The following TANC1 variants were observed in gnomAD, a reference collection of about 807,000 sequenced individuals.
TANC1 encodes the protein tetratricopeptide repeat, ankyrin repeat and coiled-coil containing 1, also known as protein TANC1.
TANC1 carries 77 observed loss-of-function variants against 149.7 expected under a neutral mutation model. The observed-to-expected ratio is 0.51, with a 90% confidence interval of 0.43 to 0.62. The LOEUF is 0.62. Ranked by LOEUF, TANC1 falls within the 20% of genes least tolerant of loss-of-function variation. The pLI, the probability that TANC1 is intolerant of heterozygous loss-of-function variation, is 0.00. For missense variants in TANC1, 1,985 were observed against 2,321.8 expected (o/e 0.85, Z 2.98); for synonymous variants, 854 against 925.0 (o/e 0.92, Z 1.39).
Position 158,975,732 on chromosome 2 carries a change from C to A in TANC1, c.-126+6950C>A, listed in dbSNP as rs1191601073. Among the ~76,000 whole-genome samples, 4 of 151,846 alleles carry A rather than the reference C, an allele frequency of 2.6e-5. No individual in the cohort carries two copies. The East Asian group carries it at 7.7e-4, about 29-fold the overall frequency. ...TTACAGAGTGAACCACCATCCCCAG[C>A]CCACAATGACTTATTTTAGCTGCTG... On this transcript the variant is annotated intron_variant, in intron 1 of 26. Coordinates refer to ENST00000263635, the MANE Select transcript of TANC1 (RefSeq NM_033394.3).
At chr2:159,135,961 T>G (rs1412810101) in intron 4 of TANC1, among the ~76,000 whole-genome samples, 4 of 151,914 alleles carry the variant, frequency 2.6e-5, no homozygotes, top group African/African-American at 7.3e-5. Flanking sequence ...TTTTCTTCTT[T>G]GGCAGGCCAG....
At chr2:159,021,711 T>G (rs1418362101) in intron 2 of TANC1, among the ~76,000 whole-genome samples, 2 of 152,252 alleles carry the variant, frequency 1.3e-5, no homozygotes, top group Non-Finnish European at 2.9e-5. Context: ...AATTTAAATT[T>G]AACAGAATAC....
chr2:159,097,955 C>A, intron 4 of TANC1, 121 bp downstream of exon 4: 7 of 782,624 alleles, frequency 8.9e-6, no homozygotes, highest in Non-Finnish European at 1.2e-5. Context: ...GCAGTATCTT[C>A]TAGAAGAAAT....
At chr2:159,052,076 C>T (rs2041517925) in intron 2 of TANC1, among the ~76,000 whole-genome samples, 1 of 152,276 alleles carries the variant, frequency 6.6e-6, no homozygotes, top group African/African-American at 2.4e-5. Flanking sequence ...GTACCACATT[C>T]ATTAGGAAGC....
chr2:159,089,045 C>G (rs760737300), intron 3 of TANC1, among the ~76,000 whole-genome samples: 6 of 152,176 alleles, frequency 3.9e-5, no homozygotes, highest in Non-Finnish European at 5.9e-5. Flanking sequence ...TTTTACTGAT[C>G]TGGAGCTGTT....
At chr2:159,019,969 G>A (rs377728023) in intron 2 of TANC1, among the ~76,000 whole-genome samples, 1 of 151,992 alleles carries the variant, frequency 6.6e-6, no homozygotes, top group Non-Finnish European at 1.5e-5. Flanking sequence ...CTTTCCAAGC[G>A]CTGCCAAGAG....
Position 159,231,144 on chromosome 2 carries a change from ATATATC to A in TANC1, c.*135_*140del. 1 of 660,672 alleles carries A rather than the reference ATATATC, an allele frequency of 1.5e-6. No homozygotes were observed. Among genetic ancestry groups the A allele is most frequent in the East Asian group, 2.8e-5 (1 of 36,326 alleles). The allele number at this position is 660,672 out of a possible 1,614,324, so 40.9% of individuals were successfully genotyped here. On this transcript the variant is annotated 3_prime_UTR_variant, in exon 27 of 27. Coordinates refer to ENST00000263635, the MANE Select transcript of TANC1 (RefSeq NM_033394.3). The stretch of plus-strand genomic sequence containing the variant: ...CTTTGGGGTGGATCTGATGCCATTG[ATATATC>A]TAAAATGTGGGATAAAACTTCTTTA...
intron 1 of TANC1, among the ~76,000 whole-genome samples, chr2:158,988,325 CAAAAA>C (rs1285907133): frequency 3.4e-5 from 3 of 87,402 alleles, no homozygotes; most frequent in Non-Finnish European, 2.4e-5. Context: ...GACCCTGTCC[CAAAAA>C]AAAAAAAAAA....
chr2:159,162,841 AT>A (rs1575038974), intron 7 of TANC1, among the ~76,000 whole-genome samples: 2 of 152,300 alleles, frequency 1.3e-5, no homozygotes, highest in South Asian at 2.1e-4. Context: ...CCGTTTCTGC[AT>A]TAACCATTCT....
intron 1 of TANC1, among the ~76,000 whole-genome samples, chr2:158,983,742 G>T (rs1404831853): frequency 6.6e-6 from 1 of 152,060 alleles, no homozygotes; most frequent in Non-Finnish European, 1.5e-5. Context: ...AAATATTACC[G>T]ACAGGAGAGC....
intron 2 of TANC1, among the ~76,000 whole-genome samples, chr2:159,009,257 C>A (rs563465544): frequency 6.6e-6 from 1 of 152,192 alleles, no homozygotes; most frequent in Non-Finnish European, 1.5e-5. Context: ...AACCCCACTA[C>A]TGAGTATATA....
intron 1 of TANC1, among the ~76,000 whole-genome samples, chr2:158,993,371 C>T (rs550459521): frequency 6.6e-6 from 1 of 152,270 alleles, no homozygotes; most frequent in African/African-American, 2.4e-5. Context: ...TCCACCTCAG[C>T]CTCCTGAGTT....
At chr2:159,205,161 A>G (rs1368734904) in intron 19 of TANC1, among the ~76,000 whole-genome samples, 2 of 152,102 alleles carry the variant, frequency 1.3e-5, no homozygotes, top group African/African-American at 2.4e-5. Flanking sequence ...TCTTGTTTCC[A>G]TGGGACTGCT....
chr2:159,024,467 A>T (rs759008627), intron 2 of TANC1, among the ~76,000 whole-genome samples: 6 of 152,116 alleles, frequency 3.9e-5, no homozygotes, highest in Non-Finnish European at 8.8e-5. Context: ...AAAATCCTAT[A>T]GGCATGGGCG....
chr2:159,094,577 T>C (rs2045885918), intron 3 of TANC1, among the ~76,000 whole-genome samples: 1 of 152,208 alleles, frequency 6.6e-6, no homozygotes, highest in Non-Finnish European at 1.5e-5. Context: ...CCTTAAGATC[T>C]GTTTCCTCGC....
chr2:158,982,203 C>A (rs1367998333), intron 1 of TANC1, among the ~76,000 whole-genome samples: 2 of 152,150 alleles, frequency 1.3e-5, no homozygotes, highest in Non-Finnish European at 2.9e-5. Flanking sequence ...CTTTAACCAG[C>A]AGGGACACTG....
At chr2:159,228,150 G>C in intron 25 of TANC1, 185 bp downstream of exon 25, 1 of 636,456 alleles carries the variant, frequency 1.6e-6, no homozygotes, top group East Asian at 2.8e-5. Context: ...CGGCTGCTAC[G>C]CTCCTCGCAT....
intron 8 of TANC1, among the ~76,000 whole-genome samples, chr2:159,166,798 G>A (rs561926132): frequency 2.6e-5 from 4 of 152,356 alleles, no homozygotes; most frequent in South Asian, 2.1e-4. Context: ...TGGTGGCTTC[G>A]AAAATGCCTC....
At chr2:159,211,188 A>AATGAAC (rs2058959761) in intron 19 of TANC1, among the ~76,000 whole-genome samples, 1 of 152,194 alleles carries the variant, frequency 6.6e-6, no homozygotes, top group South Asian at 2.1e-4. Context: ...TTGTTCTTAA[A>AATGAAC]ATGAACGTCT....
Sources: allele counts gnomAD v4.1 joint callset (sites outside exome capture counted in the v4.1 genomes callset), GRCh38; gene constraint gnomAD v4.1.1; transcripts MANE v1.5; gene names NCBI Gene and HGNC (gene_info 2026-07-23, HGNC 2026-07-21).